Variants in TGFBR3 observed in about 807,000 individuals in gnomAD.
The protein encoded by TGFBR3 is transforming growth factor beta receptor type 3.
TGFBR3 carries 46 observed loss-of-function variants against 87.9 expected under a neutral mutation model. The ratio of observed to expected loss-of-function variants is 0.52; its 90% CI spans 0.41 to 0.67. The LOEUF (loss-of-function observed/expected upper bound fraction) is 0.67, where lower values mean the gene tolerates loss of function less well. TGFBR3 is among the 30% of genes least tolerant of loss of function. The pLI, the probability that TGFBR3 is intolerant of heterozygous loss-of-function variation, is 0.00. For synonymous variants in TGFBR3, 381 were observed against 391.6 expected, an observed-to-expected ratio of 0.97 and a Z score of 0.32; for missense variants, 866 against 1,041.9, an observed-to-expected ratio of 0.83 and a Z score of 2.32.
intron 14 of TGFBR3, among the ~76,000 whole-genome samples, chr1:91,704,202 C>T (rs1455410633): frequency 6.6e-6 from 1 of 151,956 alleles, no homozygotes; most frequent in Non-Finnish European, 1.5e-5. Flanking sequence ...GTGGCAGGTG[C>T]CTGTAATCCT....
At chr1:91,697,650 C>T (rs1192322398) in intron 15 of TGFBR3, among the ~76,000 whole-genome samples, 4 of 152,314 alleles carry the variant, frequency 2.6e-5, no homozygotes, top group East Asian at 1.9e-4. Flanking sequence ...CCTTGCACTA[C>T]GGATTGTCTT....
chr1:91,780,444 G>T (rs1674717896), intron 3 of TGFBR3, among the ~76,000 whole-genome samples: 1 of 151,674 alleles, frequency 6.6e-6, no homozygotes, highest in South Asian at 2.1e-4. Context: ...ACATCTGGGG[G>T]CTTCCCTGAG....
In TGFBR3 at chr1:91,681,862, T is replaced by C. The variant is rs908447240; in HGVS notation, c.*1877A>G. ...AAAGCGCAATATTTTCAAACACAGG[T>C]AGCGTAATCTAGGTCCTCCACTCTG... On this transcript the variant is annotated 3_prime_UTR_variant, in exon 17 of 17. Transcript: ENST00000212355. 5 of 453,134 alleles carry C rather than the reference T, an allele frequency of 1.1e-5. No individual in the cohort carries two copies. The highest frequency in any genetic ancestry group is 1.0e-4 in the African/African-American group (5 of 49,920). The allele number at this position is 453,134 out of a possible 1,614,324, so 28.1% of individuals were successfully genotyped here. A position where few individuals can be genotyped will look rare whatever the true frequency, so the allele number is the denominator to read the frequency against.
chr1:91,900,771 A>G (rs1679697286), intron 1 of TGFBR3, among the ~76,000 whole-genome samples: 1 of 152,224 alleles, frequency 6.6e-6, no homozygotes. Flanking sequence ...TCATCATATC[A>G]CTTTACAGTG....
intron 4 of TGFBR3, among the ~76,000 whole-genome samples, chr1:91,747,849 G>A (rs1258594033): frequency 6.6e-6 from 1 of 152,210 alleles, no homozygotes; most frequent in African/African-American, 2.4e-5. Flanking sequence ...AGCGGCTTCC[G>A]CTCATGCCTG....
chr1:91,690,573 T>G (rs546051949), intron 16 of TGFBR3, among the ~76,000 whole-genome samples: 1 of 152,152 alleles, frequency 6.6e-6, no homozygotes, highest in African/African-American at 2.4e-5. Context: ...CTGCAGAATT[T>G]GCCATGCGCT....
intron 3 of TGFBR3, among the ~76,000 whole-genome samples, chr1:91,793,479 A>C (rs971466325): frequency 6.6e-6 from 1 of 152,092 alleles, no homozygotes; most frequent in African/African-American, 2.4e-5. Context: ...AAGTAACGGC[A>C]CTTATTTCAT....
chr1:91,688,628 T>C (rs750002247), intron 16 of TGFBR3, among the ~76,000 whole-genome samples: 3 of 152,202 alleles, frequency 2.0e-5, no homozygotes, highest in Non-Finnish European at 4.4e-5. Flanking sequence ...AGGAACACTG[T>C]TTCACAGAGC....
At position 91,684,309 on chromosome 1, in the gene TGFBR3, G is replaced by A. The variant is rs540215376; in HGVS notation, c.2438-452C>T. Among the ~76,000 whole-genome samples the A allele has an allele frequency of 5.9e-5, 9 of 152,322 alleles. 1 individual carries two copies. The highest frequency in any genetic ancestry group is 1.7e-4 in the African/African-American group (7 of 41,560). On this transcript the variant is annotated intron_variant, in intron 16 of 16. Coordinates refer to ENST00000212355, the MANE Select transcript of TGFBR3 (RefSeq NM_003243.5). ...GTAGTTAAGAGAACCCTGGAAGTTT[G>A]GGAGCCTTGTTCTGAATGCACTTGT... is the stretch of plus-strand genomic sequence containing the variant.
intron 2 of TGFBR3, chr1:91,829,759 TGTTTTG>T (rs1676785361): frequency 1.3e-5 from 2 of 152,176 alleles, no homozygotes; most frequent in African/African-American, 2.4e-5. Flanking sequence ...TTTTTTGTTT[TGTTTTG>T]TTTTGTTTAG....
chr1:91,838,255 C>G (rs528202406), intron 2 of TGFBR3, among the ~76,000 whole-genome samples: 1 of 152,118 alleles, frequency 6.6e-6, no homozygotes, highest in South Asian at 2.1e-4. Flanking sequence ...CTGAGGACTC[C>G]AAAGAGATTT....
At chr1:91,852,798 A>G (rs1322367143) in intron 2 of TGFBR3, among the ~76,000 whole-genome samples, 1 of 152,214 alleles carries the variant, frequency 6.6e-6, no homozygotes, top group African/African-American at 2.4e-5. Context: ...AACTGGTATC[A>G]CATTTGACAA....
At chr1:91,719,208 G>C (rs968552603) in intron 10 of TGFBR3, 104 bp downstream of exon 10, 17 of 1,497,126 alleles carry the variant, frequency 1.1e-5, no homozygotes, top group Non-Finnish European at 1.5e-5. Context: ...TCAGGCCTGG[G>C]GTGAAAACCC....
intron 4 of TGFBR3, among the ~76,000 whole-genome samples, chr1:91,745,291 T>C (rs1337186377): frequency 1.3e-5 from 2 of 152,208 alleles, no homozygotes; most frequent in African/African-American, 4.8e-5. Context: ...AATCTCTTTT[T>C]GGAGTTGCCT....
chr1:91,738,604 T>C (rs1053965406), intron 4 of TGFBR3, among the ~76,000 whole-genome samples: 2 of 152,242 alleles, frequency 1.3e-5, no homozygotes, highest in Non-Finnish European at 2.9e-5. Context: ...TCCTGAGGTC[T>C]CCCCAGAGGC....
intron 1 of TGFBR3, among the ~76,000 whole-genome samples, chr1:91,868,428 T>C (rs1678458633): frequency 6.6e-6 from 1 of 152,186 alleles, no homozygotes; most frequent in Admixed American, 6.5e-5. Context: ...CCAAATTCCA[T>C]ACAAGGTATG....
intron 2 of TGFBR3, among the ~76,000 whole-genome samples, chr1:91,845,719 T>C (rs1333958800): frequency 6.7e-6 from 1 of 149,962 alleles, no homozygotes; most frequent in African/African-American, 2.5e-5. Flanking sequence ...CAAATGAAGA[T>C]TTTTTTAAAC....
At chr1:91,685,308 G>A (rs1671052513) in intron 16 of TGFBR3, among the ~76,000 whole-genome samples, 1 of 146,078 alleles carries the variant, frequency 6.8e-6, no homozygotes, top group South Asian at 2.2e-4. Context: ...AAGCGGAGAA[G>A]CACTGCCTTT....
rs1236393318 is a variant in TGFBR3, at chr1:91,680,896, A to C, written c.*2843T>G. ...TTTGTTTAGAAAATGCTATAGAAAC[A>C]GTTTAGACAGAAGAAATCTCTGGCT... On this transcript the variant is annotated 3_prime_UTR_variant, in exon 17 of 17. Coordinates refer to ENST00000212355, the MANE Select transcript of TGFBR3 (RefSeq NM_003243.5). 1 of 453,460 alleles carries C rather than the reference A, an allele frequency of 2.2e-6. No homozygotes were observed. The highest frequency in any genetic ancestry group is 2.4e-5 in the Admixed American group (1 of 42,504). The allele number at this position is 453,460 out of a possible 1,614,324, so 28.1% of individuals were successfully genotyped here. A position where few individuals can be genotyped will look rare whatever the true frequency, so the allele number is the denominator to read the frequency against.
Sources: gnomAD v4.1 joint callset for allele counts (sites outside exome capture counted in the v4.1 genomes callset) on GRCh38, gnomAD v4.1.1 for gene constraint, MANE v1.5 for transcripts, NCBI Gene and HGNC (gene_info 2026-07-23, HGNC 2026-07-21) for gene names.